ZNF75A: variants seen among roughly 807,000 people sequenced by gnomAD.
ZNF75A encodes the protein zinc finger protein 75A.
ZNF75A carries 36 observed loss-of-function variants against 46.3 expected under a neutral mutation model. The observed-to-expected ratio is 0.78, with a 90% CI of 0.60 to 1.03. The LOEUF (loss-of-function observed/expected upper bound fraction) is 1.03, where lower values mean the gene tolerates loss of function less well. Ranked by LOEUF, ZNF75A falls within the 50% of genes least tolerant of loss-of-function variation. ZNF75A has a pLI of 0.00. For missense variants in ZNF75A, 595 were observed against 551.3 expected (o/e 1.08, Z -0.79); for synonymous variants, 234 against 189.9 (o/e 1.23, Z -1.91).
At chr16:3,312,036 C>G (rs754224164) in intron 3 of ZNF75A, 88 bp downstream of exon 3, 89 of 689,558 alleles carry the variant, frequency 1.3e-4, no homozygotes, top group Non-Finnish European at 1.5e-4. Context: ...TTTGAATACC[C>G]TGCTCTGTGG....
downstream of ZNF75A, among the ~76,000 whole-genome samples, chr16:3,320,573 T>C (rs895612048): frequency 2.6e-5 from 4 of 152,184 alleles, no homozygotes; most frequent in East Asian, 1.9e-4. Flanking sequence ...ACAAATCTTA[T>C]GGGAGGTCAG....
At chr16:3,308,945 G>GT (rs1960494064) in intron 2 of ZNF75A, 109 bp downstream of exon 2, 356 of 748,068 alleles carry the variant, frequency 4.8e-4, no homozygotes, top group Non-Finnish European at 5.4e-4. Flanking sequence ...GTCATTGTTT[G>GT]GTTTTTTTTT....
intron 4 of ZNF75A, 40 bp downstream of exon 4, chr16:3,312,808 T>C: frequency 8.9e-7 from 1 of 1,121,784 alleles, no homozygotes; most frequent in South Asian, 2.9e-5. Flanking sequence ...TACCTTTCTC[T>C]GCTATGTATG....
chr16:3,311,023 C>T (rs1197586302), intron 2 of ZNF75A: 39 of 811,370 alleles, frequency 4.8e-5, no homozygotes, highest in African/African-American at 7.5e-5. Context: ...TAGGGATAAT[C>T]AGGCTGACAG....
chr16:3,306,175 A>G (rs1960212455), intron 1 of ZNF75A: 1 of 152,152 alleles, frequency 6.6e-6, no homozygotes, highest in African/African-American at 2.4e-5. Flanking sequence ...CTTCAGGAAA[A>G]GTGAGGCTCA....
chr16:3,323,021 C>T (rs2030002942), downstream of ZNF75A: 2 of 690,858 alleles, frequency 2.9e-6, no homozygotes, highest in Non-Finnish European at 3.6e-6. Context: ...GAGGTACTTG[C>T]CATGAACCTA....
chr16:3,320,172 A>G (rs772935838), downstream of ZNF75A, among the ~76,000 whole-genome samples: 2 of 151,938 alleles, frequency 1.3e-5, no homozygotes, highest in African/African-American at 2.4e-5. Flanking sequence ...CAGCCTCCCA[A>G]GTTGCTGGGA....
chr16:3,315,089 C>T, intron 5 of ZNF75A: 1 of 985,254 alleles, frequency 1.0e-6, no homozygotes. Flanking sequence ...TTGATCCCTT[C>T]CCTTTCCCTT....
rs1485449195 is a variant in ZNF75A at position 3,305,539 on chromosome 16, T to TGGGCTGGCGGTTGCGCTCCTC, written c.-220_-200dup. 6.6e-6 allele frequency: 1 copy of TGGGCTGGCGGTTGCGCTCCTC among 152,236 alleles called. No individual in the cohort carries two copies. Among genetic ancestry groups the TGGGCTGGCGGTTGCGCTCCTC allele is most frequent in the East Asian group, 1.9e-4 (1 of 5,160 alleles). The allele number at this position is 152,236 out of a possible 1,614,324, so 9.4% of individuals were successfully genotyped here. On this transcript the variant is annotated 5_prime_UTR_variant, in exon 1 of 7. Transcript: ENST00000669516. The stretch of plus-strand genomic sequence containing the variant: ...GGACAGGGCTGCGGTAGGCCAGCGG[T>TGGGCTGGCGGTTGCGCTCCTC]GGGCTGGCGGTTGCGCTCCTCAGAT...
intron 5 of ZNF75A, chr16:3,315,159 G>T: frequency 7.0e-6 from 5 of 710,978 alleles, no homozygotes; most frequent in Non-Finnish European, 8.6e-6. Flanking sequence ...GCATTATCCA[G>T]TTGCTCAGGG....
At chr16:3,320,203 G>A (rs1176763102), downstream of ZNF75A, among the ~76,000 whole-genome samples, 1 of 152,072 alleles carries the variant, frequency 6.6e-6, no homozygotes, top group Admixed American at 6.6e-5. Flanking sequence ...CCGCCACCAC[G>A]CCTGGCTAAT....
At chr16:3,319,357 C>T (rs1035292116), downstream of ZNF75A, among the ~76,000 whole-genome samples, 6 of 152,140 alleles carry the variant, frequency 3.9e-5, no homozygotes, top group Admixed American at 1.3e-4. Flanking sequence ...TCAAGTGATC[C>T]ACCCGCCTCG....
At chr16:3,323,263 C>T (rs2030010653), downstream of ZNF75A, 1 of 812,818 alleles carries the variant, frequency 1.2e-6, no homozygotes, top group Non-Finnish European at 2.1e-6. Flanking sequence ...AGGAAGCCCA[C>T]TGTATTTTTG....
chr16:3,313,977 G>C (rs896467852), intron 5 of ZNF75A, among the ~76,000 whole-genome samples: 4 of 152,154 alleles, frequency 2.6e-5, no homozygotes, highest in African/African-American at 9.6e-5. Context: ...GGCACACTGG[G>C]CTTCCTGAAT....
chr16:3,310,393 GA>G (rs922634990), intron 2 of ZNF75A, among the ~76,000 whole-genome samples: 1 of 147,592 alleles, frequency 6.8e-6, no homozygotes, highest in African/African-American at 2.5e-5. Context: ...GACTCCATGT[GA>G]AAAAAAAAAT....
rs1960457852 is a variant in ZNF75A at position 3,308,500 on chromosome 16, G to A, written c.72G>A (p.Gly24=). ...PQIRALWETK[G]PARESSGQSK... ...TCAGGGCTTTGTGGGAGACCAAGGG[G>A]CCTGCAAGAGAGAGCTCCGGTCAGA... Residue 24 remains glycine, a synonymous_variant, in exon 2 of 7, where the codon GGG becomes GGA. Coordinates refer to ENST00000669516, the MANE Select transcript of ZNF75A (RefSeq NM_001302109.2). The A allele has an allele frequency of 1.0e-6, 1 of 985,848 alleles. No homozygotes were observed. The highest frequency in any genetic ancestry group is 1.2e-6 in the Non-Finnish European group (1 of 829,954). 61.1% of individuals were successfully genotyped at this position (985,848 alleles called of 1,614,324 possible). A position where few individuals can be genotyped will look rare whatever the true frequency, so the allele number is the denominator to read the frequency against.
chr16:3,323,218 A>G, downstream of ZNF75A: 2 of 743,176 alleles, frequency 2.7e-6, no homozygotes, highest in Non-Finnish European at 4.8e-6. Flanking sequence ...TGATTGATGC[A>G]TTCACCCCAA....
intron 2 of ZNF75A, among the ~76,000 whole-genome samples, chr16:3,311,224 GT>G (rs1960758403): frequency 1.3e-5 from 2 of 151,870 alleles, no homozygotes; most frequent in African/African-American, 4.9e-5. Flanking sequence ...GATTACCTGA[GT>G]TTGGGAGTTT....
In ZNF75A at chr16:3,310,649, A is replaced by G. The variant is rs55922312; in HGVS notation, c.409-1104A>G. On this transcript the variant is annotated intron_variant, in intron 2 of 6. Coordinates refer to ENST00000669516, the MANE Select transcript of ZNF75A (RefSeq NM_001302109.2). ...CTCAAAACAAAACAAACAAACAAAA[A>G]AAACAACTAGGGGAAGACTGCACAA... 13,505 of 985,358 alleles carry G rather than the reference A, an allele frequency of 0.014. 1,390 individuals are homozygous for G. The African/African-American group carries it at 0.21, about 16-fold the overall frequency. The allele number at this position is 985,358 out of a possible 1,614,324, so 61.0% of individuals were successfully genotyped here. A position where few individuals can be genotyped will look rare whatever the true frequency, so the allele number is the denominator to read the frequency against.
Sources: gnomAD v4.1 joint callset for allele counts (sites outside exome capture counted in the v4.1 genomes callset) on GRCh38, gnomAD v4.1.1 for gene constraint, MANE v1.5 for transcripts, NCBI Gene and HGNC (gene_info 2026-07-23, HGNC 2026-07-21) for gene names.